The following FOLH1 variants were observed in gnomAD, a reference collection of about 807,000 sequenced individuals.
FOLH1 encodes the protein folate hydrolase 1, also known as glutamate carboxypeptidase 2.
A neutral mutation model predicts 93.9 loss-of-function variants in FOLH1; 54 were observed. The observed-to-expected ratio is 0.57, with a 90% CI of 0.46 to 0.72. The LOEUF (loss-of-function observed/expected upper bound fraction) is 0.72. Among genes scored for constraint, FOLH1 ranks in the 30% least tolerant of loss-of-function variants. The pLI, the probability that FOLH1 is intolerant of heterozygous loss-of-function variation, is 0.00. For synonymous variants in FOLH1, 249 were observed against 303.6 expected, an observed-to-expected ratio of 0.82 and a Z score of 1.87; for missense variants, 571 against 892.5, an observed-to-expected ratio of 0.64 and a Z score of 4.59.
At chr11:49,179,153 G>A (rs1466421061) in intron 7 of FOLH1, among the ~76,000 whole-genome samples, 3 of 152,128 alleles carry the variant, frequency 2.0e-5, no homozygotes, top group Admixed American at 6.6e-5. Flanking sequence ...AATAAGGGCC[G>A]GGCATGGAAA....
At chr11:49,169,344 A>T in intron 11 of FOLH1, 86 bp from the exon 12 acceptor site, 9 of 1,330,672 alleles carry the variant, frequency 6.8e-6, no homozygotes, top group Non-Finnish European at 9.5e-6. Flanking sequence ...TAATGTATGT[A>T]GATTTCTAAT....
intron 7 of FOLH1, among the ~76,000 whole-genome samples, chr11:49,180,601 T>C (rs943829482): frequency 2.0e-5 from 3 of 152,326 alleles, no homozygotes; most frequent in Non-Finnish European, 2.9e-5. Context: ...CTTTTCTAAT[T>C]AGTGCACAAT....
intron 17 of FOLH1, among the ~76,000 whole-genome samples, chr11:49,151,542 AT>A (rs1265166580): frequency 6.6e-6 from 1 of 152,228 alleles, no homozygotes; most frequent in Non-Finnish European, 1.5e-5. Flanking sequence ...TCTTCCTTAG[AT>A]TTCAAAGTTT....
intron 13 of FOLH1, among the ~76,000 whole-genome samples, chr11:49,163,295 T>C (rs1250425778): frequency 2.0e-5 from 3 of 151,850 alleles, no homozygotes; most frequent in African/African-American, 4.8e-5. Flanking sequence ...GAAACCCTAG[T>C]TGGGAGGCTC....
intron 5 of FOLH1, among the ~76,000 whole-genome samples, chr11:49,186,377 C>T (rs1861382792): frequency 6.6e-6 from 1 of 152,058 alleles, no homozygotes; most frequent in South Asian, 2.1e-4. Context: ...CCAGTGCATG[C>T]TTCTTTGTAG....
chr11:49,184,235 A>G (rs1861119841), intron 6 of FOLH1, among the ~76,000 whole-genome samples: 1 of 152,196 alleles, frequency 6.6e-6, no homozygotes, highest in Non-Finnish European at 1.5e-5. Flanking sequence ...AACAAATAAA[A>G]CAAGATTGAC....
intron 3 of FOLH1, 115 bp downstream of exon 3, chr11:49,200,140 A>G: frequency 9.7e-7 from 1 of 1,033,906 alleles, no homozygotes; most frequent in East Asian, 2.7e-5. Context: ...ACAAGATCCA[A>G]TAATATTGAT....
intron 2 of FOLH1, among the ~76,000 whole-genome samples, chr11:49,205,455 T>G (rs1235349439): frequency 6.6e-6 from 1 of 152,170 alleles, no homozygotes; most frequent in African/African-American, 2.4e-5. Flanking sequence ...ATTTTACAGA[T>G]GTGGAAAAGA....
chr11:49,169,173 T>C (rs756581989), intron 12 of FOLH1, 22 bp downstream of exon 12: 3 of 1,611,300 alleles, frequency 1.9e-6, no homozygotes, highest in Non-Finnish European at 2.5e-6. Flanking sequence ...ACATCTTTTC[T>C]TATGAGACCA....
At chr11:49,159,480 C>G (rs1857414704) in intron 13 of FOLH1, among the ~76,000 whole-genome samples, 1 of 152,142 alleles carries the variant, frequency 6.6e-6, no homozygotes, top group African/African-American at 2.4e-5. Context: ...TGGGATGAAG[C>G]CTACTTGATT....
At chr11:49,152,850 T>C (rs187270112) in intron 17 of FOLH1, among the ~76,000 whole-genome samples, 2 of 152,288 alleles carry the variant, frequency 1.3e-5, no homozygotes, top group Middle Eastern at 3.4e-3. Flanking sequence ...TTTTACTAAA[T>C]AATTCTTTAC....
chr11:49,181,444 C>CTA (rs1308866566), intron 7 of FOLH1, among the ~76,000 whole-genome samples: 2 of 151,408 alleles, frequency 1.3e-5, no homozygotes, highest in African/African-American at 2.4e-5. Flanking sequence ...TGAGATAATA[C>CTA]TATATATATA....
chr11:49,158,809 G>A (rs1857308798), intron 13 of FOLH1, among the ~76,000 whole-genome samples: 2 of 152,208 alleles, frequency 1.3e-5, no homozygotes, highest in South Asian at 4.2e-4. Context: ...TGATTTCTTA[G>A]AGCAGTGGTT....
At chr11:49,175,584 A>G (rs1245662872) in intron 8 of FOLH1, among the ~76,000 whole-genome samples, 1 of 152,190 alleles carries the variant, frequency 6.6e-6, no homozygotes, top group Non-Finnish European at 1.5e-5. Flanking sequence ...GCTGCATCTA[A>G]GGACTTTTAT....
chr11:49,191,106 C>G (rs1300120796), intron 4 of FOLH1, among the ~76,000 whole-genome samples: 1 of 152,020 alleles, frequency 6.6e-6, no homozygotes, highest in African/African-American at 2.4e-5. Context: ...CCACCTCCCG[C>G]GTTCACGCCA....
intron 15 of FOLH1, among the ~76,000 whole-genome samples, chr11:49,156,045 C>T (rs1856999025): frequency 1.3e-5 from 2 of 151,434 alleles, no homozygotes; most frequent in Non-Finnish European, 2.9e-5. Flanking sequence ...CTCATGTGAG[C>T]TGATGGTTTT....
At chr11:49,156,871 T>C (rs756377529) in intron 14 of FOLH1, 64 bp from the exon 15 acceptor site, 1 of 1,601,224 alleles carries the variant, frequency 6.2e-7, no homozygotes, top group African/African-American at 1.3e-5. Flanking sequence ...AGATTACATG[T>C]CCATTAAACT....
intron 4 of FOLH1, among the ~76,000 whole-genome samples, chr11:49,191,627 G>A (rs926199491): frequency 2.0e-5 from 3 of 152,170 alleles, no homozygotes; most frequent in Non-Finnish European, 4.4e-5. Context: ...ACTAATCTAG[G>A]TGTAATTTTC....
intron 10 of FOLH1, among the ~76,000 whole-genome samples, chr11:49,172,814 G>A (rs1859503357): frequency 6.6e-6 from 1 of 152,174 alleles, no homozygotes; most frequent in Admixed American, 6.5e-5. Context: ...AATGACTAAA[G>A]TGGTGATGTT....
Sources: allele counts gnomAD v4.1 joint callset (sites outside exome capture counted in the v4.1 genomes callset), GRCh38; gene constraint gnomAD v4.1.1; transcripts MANE v1.5; gene names NCBI Gene and HGNC (gene_info 2026-07-23, HGNC 2026-07-21).